The following RAB38 variants were observed in gnomAD, a reference collection of about 807,000 sequenced individuals.
RAB38 encodes ras-related protein Rab-38.
Under a neutral mutation model 18.4 loss-of-function variants are expected in RAB38, and 15 were observed. The observed-to-expected ratio is 0.82, with a 90% CI of 0.55 to 1.26. The LOEUF is 1.26. Among genes scored for constraint, RAB38 ranks in the 50% most tolerant of loss-of-function variants. RAB38 has a pLI of 0.00. For missense variants in RAB38, 294 were observed against 267.4 expected, an observed-to-expected ratio of 1.10 and a Z score of -0.69; for synonymous variants, 101 against 104.4, an observed-to-expected ratio of 0.97 and a Z score of 0.20.
chr11:87,873,151 C>T, the RAB38 span, among the ~76,000 whole-genome samples: 8 of 151,506 alleles, frequency 5.3e-5, no homozygotes, highest in Admixed American at 2.0e-4. Flanking sequence ...CTAACAGGTA[C>T]GTAATAATAT....
the RAB38 span, among the ~76,000 whole-genome samples, chr11:88,034,566 T>A: frequency 6.6e-6 from 1 of 152,232 alleles, no homozygotes; most frequent in Admixed American, 6.5e-5. Flanking sequence ...GACATCTTAT[T>A]GTAGTTTAAA....
At chr11:87,805,142 G>A in the RAB38 span, among the ~76,000 whole-genome samples, 1 of 152,198 alleles carries the variant, frequency 6.6e-6, no homozygotes, top group Admixed American at 6.6e-5. Context: ...GGTGTTAAAA[G>A]GGTAGTACAA....
chr11:87,836,341 G>A, the RAB38 span, among the ~76,000 whole-genome samples: 3 of 151,866 alleles, frequency 2.0e-5, no homozygotes, highest in East Asian at 5.8e-4. Context: ...CCTTTTTCTG[G>A]CAAATAAAAG....
chr11:87,951,711 G>A, the RAB38 span, among the ~76,000 whole-genome samples: 43 of 152,174 alleles, frequency 2.8e-4, no homozygotes, highest in East Asian at 3.9e-4. Context: ...GCAGAACAGC[G>A]GATATTGGTG....
chr11:88,008,146 T>C, the RAB38 span, among the ~76,000 whole-genome samples: 1 of 152,174 alleles, frequency 6.6e-6, no homozygotes, highest in Non-Finnish European at 1.5e-5. Flanking sequence ...AGGATGTTGG[T>C]TAGATATGTA....
At chr11:87,938,409 G>C in the RAB38 span, among the ~76,000 whole-genome samples, 1 of 152,032 alleles carries the variant, frequency 6.6e-6, no homozygotes, top group Non-Finnish European at 1.5e-5. Flanking sequence ...GAACGTCTTA[G>C]CTTCCTTAGC....
Position 88,121,185 on chromosome 11 carries a change from A to T in RAB38, c.484-7045T>A, listed in dbSNP as rs1229854570. On this transcript the variant is annotated intron_variant, in intron 2 of 2. Coordinates refer to ENST00000243662, the MANE Select transcript of RAB38 (RefSeq NM_022337.3). The stretch of plus-strand genomic sequence containing the variant: ...TACCCACCTCCATTGACACCACTAC[A>T]TCCTAACTGCCTGTTGCCTGTGTCC... Among the ~76,000 whole-genome samples, 3 of 152,262 alleles carry T rather than the reference A, an allele frequency of 2.0e-5. No homozygotes were observed. In the East Asian group the frequency reaches 5.8e-4, roughly 29 times the overall value.
At chr11:87,898,776 A>T in the RAB38 span, among the ~76,000 whole-genome samples, 23 of 151,742 alleles carry the variant, frequency 1.5e-4, no homozygotes, top group Non-Finnish European at 1.8e-4. Flanking sequence ...GGCCCTTATC[A>T]TACTTCCAGT....
chr11:88,167,702 G>C (rs1291433118), intron 1 of RAB38: 1 of 152,136 alleles, frequency 6.6e-6, no homozygotes, highest in African/African-American at 2.4e-5. Context: ...AGTAATTTAA[G>C]ATCACGTAAC....
the RAB38 span, among the ~76,000 whole-genome samples, chr11:87,893,390 A>ATATATATATATATATATTTTTTTT: frequency 3.2e-5 from 3 of 93,916 alleles, no homozygotes; most frequent in South Asian, 4.0e-4. Context: ...ATATATATAT[A>ATATATATATATATATATTTTTTTT]TTTTTTTTTT....
the RAB38 span, among the ~76,000 whole-genome samples, chr11:87,963,212 C>G: frequency 6.6e-6 from 1 of 152,124 alleles, no homozygotes; most frequent in Non-Finnish European, 1.5e-5. Flanking sequence ...CATACAAACA[C>G]TCACATGTTG....
At chr11:87,824,437 C>G in the RAB38 span, among the ~76,000 whole-genome samples, 30 of 151,892 alleles carry the variant, frequency 2.0e-4, no homozygotes, top group Non-Finnish European at 4.3e-4. Flanking sequence ...ATTACAGGTA[C>G]TAAAATAAAA....
the RAB38 span, among the ~76,000 whole-genome samples, chr11:88,017,553 T>C: frequency 6.6e-6 from 1 of 151,572 alleles, no homozygotes; most frequent in African/African-American, 2.4e-5. Context: ...CATATTTTGC[T>C]GATTAACTAT....
the RAB38 span, among the ~76,000 whole-genome samples, chr11:87,821,290 C>G: frequency 6.6e-6 from 1 of 152,146 alleles, no homozygotes; most frequent in African/African-American, 2.4e-5. Flanking sequence ...GAAGCAACCA[C>G]AGATGCTAGA....
At chr11:88,039,981 C>T in the RAB38 span, among the ~76,000 whole-genome samples, 3,380 of 152,236 alleles carry the variant, frequency 0.022, 108 homozygotes, top group East Asian at 0.15. Context: ...AAAAAACTGG[C>T]ATTTGCTCAT....
chr11:88,141,326 C>T (rs1365816186), intron 2 of RAB38, among the ~76,000 whole-genome samples: 2 of 152,102 alleles, frequency 1.3e-5, no homozygotes, highest in African/African-American at 4.8e-5. Context: ...GTGTTGGGTG[C>T]TACTGATCTT....
the RAB38 span, among the ~76,000 whole-genome samples, chr11:88,010,050 G>C: frequency 3.9e-5 from 6 of 152,212 alleles, no homozygotes; most frequent in African/African-American, 1.4e-4. Flanking sequence ...TATGAAACAA[G>C]GTTCTGACTG....
the RAB38 span, among the ~76,000 whole-genome samples, chr11:88,023,361 CA>C: frequency 1.0e-3 from 147 of 142,006 alleles, 1 homozygote; most frequent in African/African-American, 2.2e-3. Context: ...AAGCTCTCTA[CA>C]AAAAAAAAAC....
chr11:88,140,362 C>T (rs1942894218), intron 2 of RAB38, among the ~76,000 whole-genome samples: 1 of 152,222 alleles, frequency 6.6e-6, no homozygotes, highest in Non-Finnish European at 1.5e-5. Flanking sequence ...GACATAAATA[C>T]TCCGCACGGG....
Sources: gnomAD v4.1 joint callset for allele counts (sites outside exome capture counted in the v4.1 genomes callset) on GRCh38, gnomAD v4.1.1 for gene constraint, MANE v1.5 for transcripts, NCBI Gene and HGNC (gene_info 2026-07-23, HGNC 2026-07-21) for gene names.